The following TULP4 variants were observed in gnomAD, a reference collection of about 807,000 sequenced individuals.
TULP4 encodes TUB like protein 4, also known as tubby-related protein 4.
A neutral mutation model predicts 129.0 loss-of-function variants in TULP4; 16 were observed. The ratio of observed to expected loss-of-function variants is 0.12; its 90% CI spans 0.08 to 0.19. The LOEUF is 0.19. Among genes scored for constraint, TULP4 ranks in the 10% least tolerant of loss-of-function variants. The pLI is 1.00. For missense variants in TULP4, 1,842 were observed against 2,059.1 expected, an observed-to-expected ratio of 0.89 and a Z score of 2.04; for synonymous variants, 998 against 854.0, an observed-to-expected ratio of 1.17 and a Z score of -2.94.
At chr6:158,321,214 T>C (rs1425588597) in intron 1 of TULP4, among the ~76,000 whole-genome samples, 4 of 152,196 alleles carry the variant, frequency 2.6e-5, no homozygotes, top group African/African-American at 9.6e-5. Context: ...ATCAGTAGAA[T>C]TGAAATGTTG....
intron 1 of TULP4, among the ~76,000 whole-genome samples, chr6:158,257,039 T>A (rs1778257674): frequency 1.3e-5 from 2 of 152,136 alleles, no homozygotes; most frequent in African/African-American, 4.8e-5. Flanking sequence ...CCATTTATGT[T>A]GAAATATTTA....
At chr6:158,399,726 CCTCT>C (rs749545460) in intron 1 of TULP4, among the ~76,000 whole-genome samples, 5 of 152,176 alleles carry the variant, frequency 3.3e-5, no homozygotes, top group Non-Finnish European at 7.3e-5. Context: ...TTTCTCACAA[CCTCT>C]CTATTTGTGG....
intron 1 of TULP4, among the ~76,000 whole-genome samples, chr6:158,348,520 A>G (rs1780374288): frequency 6.6e-6 from 1 of 152,250 alleles, no homozygotes; most frequent in Non-Finnish European, 1.5e-5. Context: ...CAGCATCCCA[A>G]GGCAGAAGAA....
intron 1 of TULP4, among the ~76,000 whole-genome samples, chr6:158,302,559 G>A (rs561817183): frequency 5.3e-4 from 80 of 152,250 alleles, no homozygotes; most frequent in Admixed American, 1.6e-3. Flanking sequence ...AACCAATTGA[G>A]TTAAAGCCTC....
chr6:158,422,396 T>A (rs1778365661), intron 2 of TULP4, among the ~76,000 whole-genome samples: 1 of 152,162 alleles, frequency 6.6e-6, no homozygotes, highest in Admixed American at 6.5e-5. Context: ...AACAACTGAA[T>A]ATCTGTATTT....
intron 1 of TULP4, among the ~76,000 whole-genome samples, chr6:158,365,944 C>A (rs1780944713): frequency 7.8e-6 from 1 of 128,200 alleles, no homozygotes; most frequent in Non-Finnish European, 1.6e-5. Flanking sequence ...GCTCTGTCGC[C>A]CAGTCTGGAG....
At chr6:158,300,712 GA>G (rs1367057191) in intron 1 of TULP4, among the ~76,000 whole-genome samples, 1 of 152,200 alleles carries the variant, frequency 6.6e-6, no homozygotes, top group East Asian at 1.9e-4. Flanking sequence ...GGTGTCTACA[GA>G]AACATGTACA....
At chr6:158,396,316 T>C (rs1359491307) in intron 1 of TULP4, among the ~76,000 whole-genome samples, 1 of 152,166 alleles carries the variant, frequency 6.6e-6, no homozygotes, top group Non-Finnish European at 1.5e-5. Context: ...TCACTTGCAT[T>C]CTCTCGGCTA....
At chr6:158,309,802 TCAGG>T (rs890956983), upstream of TULP4, among the ~76,000 whole-genome samples, 2 of 151,358 alleles carry the variant, frequency 1.3e-5, no homozygotes, top group Non-Finnish European at 2.9e-5. Context: ...GGCAGGAGAA[TCAGG>T]CAGGGAGGTT....
chr6:158,462,058 G>T (rs1779441911), intron 6 of TULP4, among the ~76,000 whole-genome samples: 1 of 152,058 alleles, frequency 6.6e-6, no homozygotes, highest in South Asian at 2.1e-4. Context: ...TCTACTCTTA[G>T]TGAGTTCTTA....
intron 1 of TULP4, among the ~76,000 whole-genome samples, chr6:158,409,035 G>A (rs577891437): frequency 6.6e-6 from 1 of 152,160 alleles, no homozygotes; most frequent in Non-Finnish European, 1.5e-5. Flanking sequence ...TCCCTGAGAT[G>A]GCTTCTTGTG....
chr6:158,277,956 A>G (rs1370695178), upstream of TULP4, among the ~76,000 whole-genome samples: 1 of 152,160 alleles, frequency 6.6e-6, no homozygotes, highest in African/African-American at 2.4e-5. Context: ...ATCAACTCCC[A>G]TCACCTCATC....
chr6:158,269,299 C>T (rs1778504052), intron 1 of TULP4, among the ~76,000 whole-genome samples: 1 of 149,144 alleles, frequency 6.7e-6, no homozygotes, highest in Non-Finnish European at 1.5e-5. Context: ...AGCCAGATAT[C>T]AGAACTAAGC....
chr6:158,501,516 G>A (rs1780444272), intron 12 of TULP4, among the ~76,000 whole-genome samples, 162 bp from the exon 13 acceptor site: 2 of 152,294 alleles, frequency 1.3e-5, no homozygotes, highest in South Asian at 4.1e-4. Context: ...CATCTCCCTT[G>A]TGCGAGCAGG....
intron 1 of TULP4, among the ~76,000 whole-genome samples, chr6:158,345,533 G>A (rs1387001846): frequency 3.3e-5 from 5 of 152,220 alleles, no homozygotes; most frequent in African/African-American, 7.2e-5. Context: ...CGGTAGGACC[G>A]TGATGCCCAC....
chr6:158,262,006 A>C (rs1778360392), intron 1 of TULP4, among the ~76,000 whole-genome samples: 1 of 152,204 alleles, frequency 6.6e-6, no homozygotes. Context: ...ACTACATGTG[A>C]GGCGGGGAAA....
upstream of TULP4, among the ~76,000 whole-genome samples, chr6:158,278,037 G>A (rs1778677081): frequency 6.6e-6 from 1 of 152,302 alleles, no homozygotes; most frequent in African/African-American, 2.4e-5. Context: ...CTTTTGTTGG[G>A]TTCTCTCAGC....
At chr6:158,403,432 C>T (rs1180767788) in intron 1 of TULP4, among the ~76,000 whole-genome samples, 1 of 152,136 alleles carries the variant, frequency 6.6e-6, no homozygotes, top group Admixed American at 6.5e-5. Context: ...CTCCGCCTCT[C>T]GGGTTCAAGC....
chr6:158,299,704 C>G (rs1779100988), intron 1 of TULP4, among the ~76,000 whole-genome samples: 1 of 152,124 alleles, frequency 6.6e-6, no homozygotes, highest in Admixed American at 6.5e-5. Flanking sequence ...CTCCAGGCAG[C>G]CACACACGAT....
Sources: gnomAD v4.1 joint callset for allele counts (sites outside exome capture counted in the v4.1 genomes callset) on GRCh38, gnomAD v4.1.1 for gene constraint, MANE v1.5 for transcripts, NCBI Gene and HGNC (gene_info 2026-07-23, HGNC 2026-07-21) for gene names.